KIF13B: variants seen among roughly 807,000 people sequenced by gnomAD.
KIF13B encodes kinesin-like protein KIF13B.
Under a neutral mutation model 222.0 loss-of-function variants are expected in KIF13B, and 127 were observed. That is an observed-to-expected ratio of 0.57 (90% confidence interval 0.50 to 0.66). The LOEUF is 0.66. Ranked by LOEUF, KIF13B falls within the 30% of genes least tolerant of loss-of-function variation. The probability of loss-of-function intolerance (pLI) is 0.00; values close to 1 mark genes in which losing one functional copy is unlikely to be tolerated. For synonymous variants in KIF13B, 976 were observed against 919.0 expected, an observed-to-expected ratio of 1.06 and a Z score of -1.12; for missense variants, 2,173 against 2,379.0, an observed-to-expected ratio of 0.91 and a Z score of 1.80.
At chr8:29,230,012 A>G (rs990077128) in intron 2 of KIF13B, among the ~76,000 whole-genome samples, 1 of 152,256 alleles carries the variant, frequency 6.6e-6, no homozygotes, top group Non-Finnish European at 1.5e-5. Flanking sequence ...TGACAAGAAT[A>G]AATAAATCAA....
intron 13 of KIF13B, among the ~76,000 whole-genome samples, chr8:29,156,574 A>G (rs1811536930): frequency 6.6e-6 from 1 of 151,592 alleles, no homozygotes; most frequent in Admixed American, 6.6e-5. Context: ...GAGTGCAGAG[A>G]CACTATCCAT....
chr8:29,136,053 T>C (rs1407803254), intron 21 of KIF13B, among the ~76,000 whole-genome samples: 1 of 152,192 alleles, frequency 6.6e-6, no homozygotes, highest in Admixed American at 6.5e-5. Flanking sequence ...CAACAGAAGT[T>C]TGAAACACCT....
At chr8:29,079,932 T>C (rs531758342) in intron 37 of KIF13B, among the ~76,000 whole-genome samples, 56 of 152,334 alleles carry the variant, frequency 3.7e-4, no homozygotes, top group African/African-American at 1.3e-3. Context: ...AATCTTTCAT[T>C]TTCCTGCTGC....
intron 35 of KIF13B, among the ~76,000 whole-genome samples, chr8:29,099,591 C>CA (rs1297590080): frequency 3.9e-5 from 6 of 152,138 alleles, no homozygotes; most frequent in African/African-American, 7.2e-5. Context: ...TGCCCATACT[C>CA]AAACTCCCAG....
intron 3 of KIF13B, 132 bp from the exon 4 acceptor site, chr8:29,191,189 G>A (rs1325085709): frequency 2.0e-5 from 13 of 663,374 alleles, no homozygotes; most frequent in Non-Finnish European, 3.1e-5. Flanking sequence ...TATGTATGTA[G>A]AGGCTTACAA....
intron 2 of KIF13B, among the ~76,000 whole-genome samples, chr8:29,223,346 C>A (rs58216439): frequency 0.76 from 99,986 of 131,920 alleles, 38,327 homozygotes; most frequent in Non-Finnish European, 0.85. Flanking sequence ...AAAAAAAAAA[C>A]AAAAAAATCT....
chr8:29,150,926 G>A (rs955493753), intron 14 of KIF13B, among the ~76,000 whole-genome samples: 1 of 152,028 alleles, frequency 6.6e-6, no homozygotes, highest in African/African-American at 2.4e-5. Context: ...AAAAGAAAGA[G>A]TCACACATCT....
chr8:29,082,693 A>C (rs1358781288), intron 37 of KIF13B, among the ~76,000 whole-genome samples: 2 of 152,202 alleles, frequency 1.3e-5, no homozygotes, highest in African/African-American at 2.4e-5. Flanking sequence ...AACTGATTTA[A>C]GCGTTCATAT....
chr8:29,155,907 A>T (rs1811500598), intron 13 of KIF13B, 51 bp from the exon 14 acceptor site: 1 of 1,404,594 alleles, frequency 7.1e-7, no homozygotes, highest in African/African-American at 1.4e-5. Context: ...ACATATACAC[A>T]ATTGAAATCA....
chr8:29,104,721 A>T (rs539389322), intron 35 of KIF13B, among the ~76,000 whole-genome samples: 1 of 152,108 alleles, frequency 6.6e-6, no homozygotes, highest in Non-Finnish European at 1.5e-5. Context: ...TTCTGCCCAC[A>T]GACTCCCTCT....
At position 29,188,494 on chromosome 8, in the gene KIF13B, T is replaced by C. The variant is rs374541632; in HGVS notation, c.316+21A>G. On this transcript the variant is annotated intron_variant, in intron 5 of 39. Transcript: ENST00000524189. ...CTTTCATTGATGGTTGTTTATGTGATTTCATGTTATTTAACATTACCAGTC... is the reference window on the plus strand; with the variant it reads ...CTTTCATTGATGGTTGTTTATGTGACTTCATGTTATTTAACATTACCAGTC... 1,311 of 1,410,070 alleles carry C rather than the reference T, an allele frequency of 9.3e-4. 2 individuals carry two copies. Among genetic ancestry groups the C allele is most frequent in the Non-Finnish European group, 1.2e-3 (1,168 of 1,003,564 alleles). The allele number at this position is 1,410,070 out of a possible 1,614,324, so 87.3% of individuals were successfully genotyped here. A position where few individuals can be genotyped will look rare whatever the true frequency, so the allele number is the denominator to read the frequency against.
intron 24 of KIF13B, among the ~76,000 whole-genome samples, chr8:29,129,501 T>C (rs1339034265): frequency 1.1e-4 from 17 of 152,226 alleles, no homozygotes. Flanking sequence ...TGTAAGCAAA[T>C]GTTCTCTTTC....
rs147089450 is a variant in KIF13B at position 29,098,170 on chromosome 8, CA to C, written c.4324+962del. 2.4e-3 allele frequency among the ~76,000 whole-genome samples: 72 copies of C among 30,314 alleles called. 1 individual carries two copies. Among genetic ancestry groups the C allele is most frequent in the East Asian group, 8.9e-3 (8 of 898 alleles). The allele number at this position is 30,314 out of a possible 152,430, so 19.9% of individuals were successfully genotyped here. The stretch of plus-strand genomic sequence containing the variant: ...TGGGCGACAGAGTCAGACTCCATCT[CA>C]AAAAAAAAAAAAAAAAAAAGTAAGT... On this transcript the variant is annotated intron_variant, in intron 36 of 39. Coordinates refer to ENST00000524189, the MANE Select transcript of KIF13B (RefSeq NM_015254.4).
At chr8:29,130,446 T>C in intron 24 of KIF13B, 87 bp downstream of exon 24, 2 of 1,359,770 alleles carry the variant, frequency 1.5e-6, no homozygotes, top group Non-Finnish European at 2.1e-6. Context: ...CTAGATTTCA[T>C]TATTGCCAAC....
chr8:29,203,187 A>G (rs1813775101), intron 2 of KIF13B, among the ~76,000 whole-genome samples: 1 of 152,138 alleles, frequency 6.6e-6, no homozygotes, highest in Non-Finnish European at 1.5e-5. Context: ...TTCTGCAAAT[A>G]TTTCTTAAGC....
In KIF13B at chr8:29,146,398, T is replaced by A. The variant is rs1171545299; in HGVS notation, c.2167A>T (p.Ser723Cys). 6.2e-7 allele frequency: 1 copy of A among 1,613,866 alleles called. No homozygotes were observed. Among genetic ancestry groups the A allele is most frequent in the African/African-American group, 1.3e-5 (1 of 74,920 alleles). ...YKVTLQIPAS[S>C]LDANRKRGSL... ...CTCACCTTCCTGTTGGCATCCAGGC[T>A]GGAGGCTGGAATCTGTAGGGTAACT... The change falls in exon 18 of 40, where the codon AGC (serine) becomes TGC (cysteine). Residue 723 changes from serine (S) to cysteine (C), a missense_variant. Physicochemically the swap from Ser to Cys is moderately radical, Grantham distance 112. This residue lies in a region of KIF13B where 1,480 missense variants were observed against 1,722.8 expected (regional missense o/e 0.86). Coordinates refer to ENST00000524189, the MANE Select transcript of KIF13B (RefSeq NM_015254.4).
chr8:29,142,020 G>T, intron 19 of KIF13B, 137 bp downstream of exon 19: 3 of 584,914 alleles, frequency 5.1e-6, no homozygotes. Flanking sequence ...CAATTTAGGG[G>T]ATTAAAATAA....
intron 2 of KIF13B, among the ~76,000 whole-genome samples, chr8:29,222,317 G>A (rs970070301): frequency 6.6e-6 from 1 of 152,016 alleles, no homozygotes; most frequent in Non-Finnish European, 1.5e-5. Context: ...GGCATGGCAC[G>A]GCACTGCACT....
intron 12 of KIF13B, among the ~76,000 whole-genome samples, chr8:29,161,524 C>T (rs1251136086): frequency 6.6e-6 from 1 of 152,174 alleles, no homozygotes; most frequent in East Asian, 1.9e-4. Context: ...GGTGAAACCC[C>T]ATCTCTACTA....
Sources: allele counts gnomAD v4.1 joint callset (sites outside exome capture counted in the v4.1 genomes callset), GRCh38; gene constraint gnomAD v4.1.1; regional missense constraint gnomAD v4.1.1; transcripts MANE v1.5; gene names NCBI Gene and HGNC (gene_info 2026-07-23, HGNC 2026-07-21).